SEC24A: variants seen among roughly 807,000 people sequenced by gnomAD.
SEC24A encodes SEC24 homolog A, COPII component.
Under a neutral mutation model 129.4 loss-of-function variants are expected in SEC24A, and 93 were observed. That is an observed-to-expected ratio of 0.72 (90% CI 0.61 to 0.85). The LOEUF (loss-of-function observed/expected upper bound fraction) is 0.85, where lower values mean the gene tolerates loss of function less well. SEC24A is among the 40% of genes least tolerant of loss of function. The pLI is 0.00. For missense variants in SEC24A, 1,264 were observed against 1,307.4 expected (o/e 0.97, Z 0.51); for synonymous variants, 460 against 467.3 (o/e 0.98, Z 0.20).
Position 134,703,812 on chromosome 5 carries a change from C to G in SEC24A, c.2320C>G (p.Leu774Val), listed in dbSNP as rs773460784. The G allele has an allele frequency of 6.2e-7, 1 of 1,613,372 alleles. No individual in the cohort carries two copies. The highest frequency in any genetic ancestry group is 1.3e-5 in the African/African-American group (1 of 75,042). ...CTTCTTTGTTAGGTCAACCGACTTA[C>G]TGTCTTTGCCTAACGTCAACCCAGA... ...GNFFVRSTDLLSLPNVNPDAG... is the reference protein window; with the variant it reads ...GNFFVRSTDLVSLPNVNPDAG... The change falls in exon 16 of 23, where the codon CTG becomes GTG. Residue 774 changes from leucine (L) to valine (V), a missense_variant. Leu to Val is a conservative substitution (Grantham distance 32). Coordinates refer to ENST00000398844, the MANE Select transcript of SEC24A (RefSeq NM_021982.3).
intron 14 of SEC24A, 136 bp downstream of exon 14, chr5:134,697,382 T>TTA: frequency 1.5e-6 from 1 of 679,880 alleles, no homozygotes; most frequent in Admixed American, 2.5e-5. Flanking sequence ...GTTTAGTCTA[T>TTA]TAAAAACCTT....
rs1197492467 is a variant in SEC24A at position 134,723,498 on chromosome 5, A to C, written c.3064-69A>C. ...ATGTAATTAAAAAAATAAAAATTTG[A>C]AAAGTACCATAGACCATACATTAGA... On this transcript the variant is annotated intron_variant, in intron 21 of 22. Coordinates refer to ENST00000398844, the MANE Select transcript of SEC24A (RefSeq NM_021982.3). 5 of 956,594 alleles carry C rather than the reference A, an allele frequency of 5.2e-6. No individual in the cohort carries two copies. The African/African-American group carries it at 6.7e-5, about 13-fold the overall frequency. The allele number at this position is 956,594 out of a possible 1,614,324, so 59.3% of individuals were successfully genotyped here.
intron 21 of SEC24A, among the ~76,000 whole-genome samples, chr5:134,721,863 A>G (rs1348091546): frequency 2.0e-5 from 3 of 152,154 alleles, no homozygotes; most frequent in Non-Finnish European, 4.4e-5. Context: ...CAGAGCAAGA[A>G]CCTGTCTCAA....
chr5:134,667,376 C>T (rs1391852377), intron 3 of SEC24A, among the ~76,000 whole-genome samples: 6 of 151,904 alleles, frequency 3.9e-5, no homozygotes, highest in Admixed American at 2.6e-4. Context: ...TTGAGCCAGG[C>T]GCGGTGGCTC....
intron 1 of SEC24A, among the ~76,000 whole-genome samples, chr5:134,652,083 G>A (rs200153979): frequency 2.0e-5 from 3 of 150,170 alleles, no homozygotes; most frequent in African/African-American, 2.5e-5. Context: ...CACCACACCC[G>A]GCTAATTTTT....
chr5:134,697,270 T>C (rs767057637), intron 14 of SEC24A, 24 bp downstream of exon 14: 4 of 1,570,522 alleles, frequency 2.5e-6, no homozygotes, highest in African/African-American at 1.4e-5. Context: ...AATGATTTTT[T>C]TTTTCCGTTA....
chr5:134,715,244 G>A lies in SEC24A; in HGVS notation c.2865+83G>A. The A allele has an allele frequency of 3.3e-6, 4 of 1,197,646 alleles. No homozygotes were observed. In the South Asian group the frequency reaches 5.6e-5, roughly 17 times the overall value. 74.2% of individuals were successfully genotyped at this position (1,197,646 alleles called of 1,614,324 possible). On this transcript the variant is annotated intron_variant, in intron 19 of 22. Transcript: ENST00000398844. The stretch of plus-strand genomic sequence containing the variant: ...CCAGTACAGAAATGAGGAAGGGTTT[G>A]TTTATTATTTAAGGCTTTAGCTTTT...
intron 17 of SEC24A, among the ~76,000 whole-genome samples, chr5:134,706,534 C>G (rs1289636115): frequency 6.6e-6 from 1 of 152,150 alleles, no homozygotes; most frequent in African/African-American, 2.4e-5. Context: ...GTGTCTTGCT[C>G]TGTCACCCAG....
At chr5:134,686,705 A>T in intron 9 of SEC24A, 85 bp from the exon 10 acceptor site, 1 of 674,326 alleles carries the variant, frequency 1.5e-6, no homozygotes, top group Non-Finnish European at 2.5e-6. Flanking sequence ...AATGCTTTTT[A>T]AATTGTTTTG....
At chr5:134,648,691 G>GAAGA (rs1438999239), upstream of SEC24A, 1 of 159,466 alleles carries the variant, frequency 6.3e-6, no homozygotes, top group Non-Finnish European at 1.4e-5. Flanking sequence ...GGCTGGCAGA[G>GAAGA]AAGAGTTCGC....
rs1446702324 is a variant in SEC24A, at chr5:134,656,439, G to A, written c.98-4680G>A. On this transcript the variant is annotated intron_variant, in intron 1 of 22. Coordinates refer to ENST00000398844, the MANE Select transcript of SEC24A (RefSeq NM_021982.3). The stretch of plus-strand genomic sequence containing the variant: ...ATTTCTTGGTGGCACCTGAAAATTA[G>A]TGTGTTTAAAATAACTCTTCGATCT... Among the ~76,000 whole-genome samples the A allele has an allele frequency of 6.6e-5, 10 of 151,898 alleles. No homozygotes were observed. In the East Asian group the frequency reaches 2.0e-3, roughly 30 times the overall value.
At chr5:134,655,583 A>G (rs1224111409) in intron 1 of SEC24A, among the ~76,000 whole-genome samples, 2 of 152,098 alleles carry the variant, frequency 1.3e-5, no homozygotes, top group Non-Finnish European at 2.9e-5. Context: ...CAGGAGAATC[A>G]CTTGAACCCG....
chr5:134,703,809 T>C lies in SEC24A; in HGVS notation c.2317T>C (p.Leu773=). The change falls in exon 16 of 23, where the codon TTA becomes CTA. Residue 773 remains leucine, a synonymous_variant. Coordinates refer to ENST00000398844, the MANE Select transcript of SEC24A (RefSeq NM_021982.3). ...HGNFFVRSTD[L]LSLPNVNPDA... ...AAACTTCTTTGTTAGGTCAACCGAC[T>C]TACTGTCTTTGCCTAACGTCAACCC... is the stretch of plus-strand genomic sequence containing the variant. The C allele has an allele frequency of 1.9e-6, 3 of 1,613,552 alleles. No homozygotes were observed. The highest frequency in any genetic ancestry group is 2.5e-6 in the Non-Finnish European group (3 of 1,179,484).
At chr5:134,671,395 T>C (rs1750854215) in intron 3 of SEC24A, among the ~76,000 whole-genome samples, 1 of 152,176 alleles carries the variant, frequency 6.6e-6, no homozygotes, top group Admixed American at 6.6e-5. Flanking sequence ...TTGATAATTT[T>C]TTTTCATTGT....
chr5:134,664,723 T>C (rs1179508844), intron 2 of SEC24A, among the ~76,000 whole-genome samples: 1 of 152,026 alleles, frequency 6.6e-6, no homozygotes, highest in African/African-American at 2.4e-5. Flanking sequence ...TTGTCTTCAC[T>C]TTTGTCAACA....
At chr5:134,652,504 TCGAACTCC>T (rs2150065653) in intron 1 of SEC24A, among the ~76,000 whole-genome samples, 1 of 151,862 alleles carries the variant, frequency 6.6e-6, no homozygotes, top group East Asian at 2.0e-4. Context: ...CAGGCTGGTC[TCGAACTCC>T]CGAGCTCAGG....
At chr5:134,662,503 A>G (rs1750508680) in intron 2 of SEC24A, among the ~76,000 whole-genome samples, 1 of 152,212 alleles carries the variant, frequency 6.6e-6, no homozygotes, top group Middle Eastern at 3.2e-3. Flanking sequence ...ACTTCTCAGC[A>G]GACAGCCTCA....
At chr5:134,678,565 G>GAT (rs66794026) in intron 7 of SEC24A, among the ~76,000 whole-genome samples, 64 of 149,566 alleles carry the variant, frequency 4.3e-4, no homozygotes, top group East Asian at 9.8e-4. Context: ...AAAGCACTGG[G>GAT]ATATATATAT....
chr5:134,705,275 C>CT, intron 16 of SEC24A, 52 bp from the exon 17 acceptor site: 1 of 1,388,662 alleles, frequency 7.2e-7, no homozygotes, highest in Non-Finnish European at 1.0e-6. Context: ...TTAACATAAT[C>CT]TTTTGTTTTA....
Sources: gnomAD v4.1 joint callset for allele counts (sites outside exome capture counted in the v4.1 genomes callset) on GRCh38, gnomAD v4.1.1 for gene constraint, MANE v1.5 for transcripts, NCBI Gene and HGNC (gene_info 2026-07-23, HGNC 2026-07-21) for gene names.